SPATA16: variants seen among roughly 807,000 people sequenced by gnomAD.
SPATA16 encodes spermatogenesis associated 16, also known as spermatogenesis-associated protein 16.
A neutral mutation model predicts 63.3 loss-of-function variants in SPATA16; 36 were observed. That is an observed-to-expected ratio of 0.57 (90% CI 0.44 to 0.75). The LOEUF (loss-of-function observed/expected upper bound fraction) is 0.75. Ranked by LOEUF, SPATA16 falls within the 30% of genes least tolerant of loss-of-function variation. The pLI is 0.00. For synonymous variants in SPATA16, 203 were observed against 216.7 expected (o/e 0.94, Z 0.56); for missense variants, 646 against 679.3 (o/e 0.95, Z 0.54).
chr3:173,133,923 G>T (rs981859371), intron 1 of SPATA16, among the ~76,000 whole-genome samples: 1 of 152,060 alleles, frequency 6.6e-6, no homozygotes, highest in Non-Finnish European at 1.5e-5. Context: ...AAGTGTACCT[G>T]CAACTTTTAC....
chr3:172,908,388 T>A (rs1732290204), intron 10 of SPATA16, among the ~76,000 whole-genome samples: 2 of 152,230 alleles, frequency 1.3e-5, no homozygotes, highest in African/African-American at 4.8e-5. Flanking sequence ...TTTCTTGAGT[T>A]AATTGTTAGG....
intron 6 of SPATA16, among the ~76,000 whole-genome samples, chr3:172,935,821 G>A (rs952312487): frequency 8.5e-5 from 13 of 152,128 alleles, no homozygotes; most frequent in African/African-American, 3.1e-4. Context: ...TGTGGGTTAA[G>A]GTTTGAGTTT....
intron 5 of SPATA16, among the ~76,000 whole-genome samples, chr3:172,969,485 C>T (rs1214857177): frequency 6.6e-6 from 1 of 152,114 alleles, no homozygotes; most frequent in East Asian, 1.9e-4. Context: ...TCAGAATCAC[C>T]TGGTTGAAGG....
In SPATA16 at chr3:173,117,583, T is replaced by C. The variant is rs16846624; in HGVS notation, c.149A>G (p.Asn50Ser). 2.2e-3 allele frequency: 3,474 copies of C among 1,613,658 alleles called. 68 individuals are homozygous for C. In the African/African-American group the frequency reaches 0.04, roughly 19 times the overall value. Residue 50 changes from asparagine (N) to serine (S), a missense_variant, in exon 2 of 11, where the codon AAC (asparagine) becomes AGC (serine). Asn to Ser is a conservative substitution (Grantham distance 46). Transcript: ENST00000351008. ...ILEMSQEIKK[N>S]CGGKQVEITL... ...GATTTCTACCTGTTTACCTCCACAG[T>C]TTTTCTTAATCTCTTGTGACATTTC...
chr3:173,103,850 C>G (rs1325129935), intron 2 of SPATA16, among the ~76,000 whole-genome samples: 4 of 152,238 alleles, frequency 2.6e-5, no homozygotes, highest in African/African-American at 9.6e-5. Flanking sequence ...TTTTCTTTCT[C>G]TGCCACATGG....
intron 2 of SPATA16, among the ~76,000 whole-genome samples, chr3:173,075,528 T>A (rs1442464416): frequency 6.6e-6 from 1 of 152,192 alleles, no homozygotes; most frequent in African/African-American, 2.4e-5. Context: ...TCAATCTAAG[T>A]TCTATCAATG....
At position 173,117,724 on chromosome 3, in the gene SPATA16, G is replaced by T; in HGVS notation, c.8C>A (p.Ala3Glu). 1 of 1,614,050 alleles carries T rather than the reference G, an allele frequency of 6.2e-7. No homozygotes were observed. Among genetic ancestry groups the T allele is most frequent in the South Asian group, 1.1e-5 (1 of 91,076 alleles). Residue 3 changes from alanine to glutamate, a missense_variant, in exon 2 of 11, where the codon GCA (alanine) becomes GAA (glutamate). Coordinates refer to ENST00000351008, the MANE Select transcript of SPATA16 (RefSeq NM_031955.6). MD[A>E]GSSRSLENAV... ...ATTCTCCAAACTCCTACTGCTTCCTGCATCCATCGATCCTGCCCAAAACTC... is the reference window on the plus strand; with the variant it reads ...ATTCTCCAAACTCCTACTGCTTCCTTCATCCATCGATCCTGCCCAAAACTC...
intron 4 of SPATA16, among the ~76,000 whole-genome samples, chr3:172,999,706 G>A (rs565196835): frequency 4.6e-5 from 7 of 152,100 alleles, no homozygotes; most frequent in African/African-American, 1.2e-4. Context: ...GAGCCACTGC[G>A]CCTGGCCCCC....
chr3:172,986,873 C>A (rs1734471770), intron 4 of SPATA16, among the ~76,000 whole-genome samples: 1 of 152,096 alleles, frequency 6.6e-6, no homozygotes, highest in Admixed American at 6.6e-5. Context: ...TGGGGGACAG[C>A]AGACAAGTCT....
chr3:172,952,639 A>G (rs1733465014), intron 6 of SPATA16, among the ~76,000 whole-genome samples: 1 of 152,144 alleles, frequency 6.6e-6, no homozygotes, highest in Non-Finnish European at 1.5e-5. Context: ...TGTATGACTG[A>G]GGTAAAAAGA....
At chr3:173,051,306 G>A (rs529695365) in intron 2 of SPATA16, among the ~76,000 whole-genome samples, 1 of 152,252 alleles carries the variant, frequency 6.6e-6, no homozygotes, top group Non-Finnish European at 1.5e-5. Flanking sequence ...GGGTTCAAGC[G>A]ATTCTCCTGC....
At chr3:173,024,051 C>G (rs996622951) in intron 3 of SPATA16, among the ~76,000 whole-genome samples, 1 of 151,426 alleles carries the variant, frequency 6.6e-6, no homozygotes, top group Non-Finnish European at 1.5e-5. Context: ...CTTAGTTGAT[C>G]TGTATGCACA....
chr3:173,044,733 C>T (rs1442862045), intron 3 of SPATA16, among the ~76,000 whole-genome samples: 1 of 152,082 alleles, frequency 6.6e-6, no homozygotes. Flanking sequence ...TGGATTATGA[C>T]ATATTTCCTG....
At chr3:173,134,392 G>A (rs1738475486) in intron 1 of SPATA16, among the ~76,000 whole-genome samples, 1 of 152,062 alleles carries the variant, frequency 6.6e-6, no homozygotes, top group Admixed American at 6.6e-5. Flanking sequence ...AAGAGGCTGA[G>A]GCAGGAGGAT....
intron 4 of SPATA16, among the ~76,000 whole-genome samples, chr3:172,982,231 A>G (rs951400462): frequency 6.6e-6 from 1 of 152,236 alleles, no homozygotes; most frequent in Non-Finnish European, 1.5e-5. Context: ...CCTTAGAGCT[A>G]TCTCACTGTC....
rs71162320 is a variant in SPATA16, at chr3:172,962,253, C to CAAAAAAAAAAAAAAAAAA, written c.934-5447_934-5430dup. Reference sequence around the variant, plus strand: ...TGGGCAACAGAGCAAGACTCTGTCTCAAAAAAAAAAAAAAAAAAAAAAAAA... The same window carrying CAAAAAAAAAAAAAAAAAA: ...TGGGCAACAGAGCAAGACTCTGTCTCAAAAAAAAAAAAAAAAAAAAAAAAAAAAAAAAAAAAAAAAAAA... On this transcript the variant is annotated intron_variant, in intron 5 of 10. Coordinates refer to ENST00000351008, the MANE Select transcript of SPATA16 (RefSeq NM_031955.6). Among the ~76,000 whole-genome samples the CAAAAAAAAAAAAAAAAAA allele has an allele frequency of 4.2e-5, 2 of 47,710 alleles. 1 individual carries two copies. The highest frequency in any genetic ancestry group is 7.1e-5 in the Non-Finnish European group (2 of 28,072). 31.3% of individuals were successfully genotyped at this position (47,710 alleles called of 152,430 possible). A position where few individuals can be genotyped will look rare whatever the true frequency, so the allele number is the denominator to read the frequency against.
intron 2 of SPATA16, among the ~76,000 whole-genome samples, chr3:173,055,895 C>T (rs1736211204): frequency 6.6e-6 from 1 of 152,098 alleles, no homozygotes; most frequent in Admixed American, 6.5e-5. Context: ...CTATAACTAT[C>T]TTAAAGTAAA....
intron 2 of SPATA16, among the ~76,000 whole-genome samples, chr3:173,100,844 A>G (rs982170397): frequency 2.6e-5 from 4 of 152,202 alleles, no homozygotes; most frequent in African/African-American, 9.6e-5. Context: ...ATAAACAATT[A>G]CTTAGTAATG....
intron 10 of SPATA16, among the ~76,000 whole-genome samples, chr3:172,908,279 G>A (rs1291405217): frequency 6.6e-6 from 1 of 152,048 alleles, no homozygotes; most frequent in Non-Finnish European, 1.5e-5. Context: ...ATATGCTGTG[G>A]CAGCGGACTT....
Sources: gnomAD v4.1 joint callset for allele counts (sites outside exome capture counted in the v4.1 genomes callset) on GRCh38, gnomAD v4.1.1 for gene constraint, MANE v1.5 for transcripts, NCBI Gene and HGNC (gene_info 2026-07-23, HGNC 2026-07-21) for gene names.